The following SV2C variants were observed in gnomAD, a reference collection of about 807,000 sequenced individuals.
The protein encoded by SV2C is synaptic vesicle glycoprotein 2C.
Under a neutral mutation model 79.7 loss-of-function variants are expected in SV2C, and 49 were observed. That is an observed-to-expected ratio of 0.61 (90% CI 0.49 to 0.78). The LOEUF (loss-of-function observed/expected upper bound fraction) is 0.78. SV2C is among the 30% of genes least tolerant of loss of function. The probability of loss-of-function intolerance (pLI) is 0.00; values close to 1 mark genes in which losing one functional copy is unlikely to be tolerated. For synonymous variants in SV2C, 334 were observed against 333.2 expected (o/e 1.00, Z -0.03); for missense variants, 833 against 912.9 (o/e 0.91, Z 1.13).
chr5:75,959,772 C>A, the SV2C span, among the ~76,000 whole-genome samples: 1 of 151,846 alleles, frequency 6.6e-6, no homozygotes, highest in Non-Finnish European at 1.5e-5. Context: ...TCTGTCAGTC[C>A]AAAGGTAGAA....
chr5:76,338,286 C>T, downstream of SV2C, among the ~76,000 whole-genome samples: 1 of 152,250 alleles, frequency 6.6e-6, no homozygotes, highest in East Asian at 1.9e-4. Context: ...ATATTTCTGC[C>T]TCCTCTACTC....
Position 76,083,393 on chromosome 5 carries a change from G to C in SV2C, c.-221G>C, listed in dbSNP as rs1747057071. 6.6e-6 allele frequency: 1 copy of C among 152,390 alleles called. No individual in the cohort carries two copies. Among genetic ancestry groups the C allele is most frequent in the African/African-American group, 2.4e-5 (1 of 41,466 alleles). The allele number at this position is 152,390 out of a possible 1,614,324, so 9.4% of individuals were successfully genotyped here. On this transcript the variant is annotated 5_prime_UTR_variant, in exon 1 of 13. Coordinates refer to ENST00000502798, the MANE Select transcript of SV2C (RefSeq NM_014979.4). ...ACGCTCAGAGGAGTCACCACTCCGC[G>C]CGCTGCAGGCGAGAGTGGCAGACGG...
At chr5:76,067,503 A>T in the SV2C span, among the ~76,000 whole-genome samples, 3 of 151,994 alleles carry the variant, frequency 2.0e-5, no homozygotes, top group African/African-American at 7.2e-5. Context: ...AGGTTTGACA[A>T]ATATAAACTT....
the SV2C span, among the ~76,000 whole-genome samples, chr5:75,949,538 G>C: frequency 5.3e-5 from 8 of 152,018 alleles, no homozygotes; most frequent in Admixed American, 5.2e-4. Flanking sequence ...CATGTTGTGG[G>C]AGGGACGTGG....
chr5:76,168,396 G>A (rs1438405180), intron 2 of SV2C, among the ~76,000 whole-genome samples: 1 of 151,634 alleles, frequency 6.6e-6, no homozygotes, highest in African/African-American at 2.4e-5. Flanking sequence ...ACTCACCCTG[G>A]ACCCCTCCTT....
the SV2C span, among the ~76,000 whole-genome samples, chr5:76,059,314 TGC>T: frequency 6.6e-6 from 1 of 152,068 alleles, no homozygotes; most frequent in Admixed American, 6.6e-5. Context: ...CTCTGTAGCA[TGC>T]GAGGATGTTT....
At chr5:76,203,016 G>C (rs914423179) in intron 3 of SV2C, among the ~76,000 whole-genome samples, 4 of 152,108 alleles carry the variant, frequency 2.6e-5, no homozygotes, top group Non-Finnish European at 5.9e-5. Flanking sequence ...TTTTCTATTG[G>C]AAAGCACTGT....
chr5:75,879,684 C>T, the SV2C span, among the ~76,000 whole-genome samples: 2 of 152,224 alleles, frequency 1.3e-5, no homozygotes, highest in Non-Finnish European at 2.9e-5. Flanking sequence ...AGGATGCAAG[C>T]TGCCAGTGGA....
At chr5:75,874,490 T>C in the SV2C span, among the ~76,000 whole-genome samples, 9 of 152,138 alleles carry the variant, frequency 5.9e-5, no homozygotes, top group African/African-American at 1.9e-4. Flanking sequence ...CCTTGAAGAA[T>C]GGCACAAGGC....
chr5:76,090,262 C>T (rs575312491), intron 1 of SV2C, among the ~76,000 whole-genome samples: 3 of 152,348 alleles, frequency 2.0e-5, no homozygotes, highest in African/African-American at 7.2e-5. Flanking sequence ...GCTATCACCT[C>T]TTGAAATTCT....
At chr5:76,276,741 C>CTT (rs5868818) in intron 4 of SV2C, among the ~76,000 whole-genome samples, 53 of 139,634 alleles carry the variant, frequency 3.8e-4, no homozygotes, top group African/African-American at 8.1e-4. Context: ...TCTTTCTTTT[C>CTT]TTTTTTTTTT....
At chr5:76,022,917 T>A in the SV2C span, among the ~76,000 whole-genome samples, 1 of 152,216 alleles carries the variant, frequency 6.6e-6, no homozygotes, top group African/African-American at 2.4e-5. Context: ...ATAATGTCTG[T>A]ATAGGATATG....
At chr5:76,183,195 T>C (rs1743807163) in intron 2 of SV2C, among the ~76,000 whole-genome samples, 1 of 151,742 alleles carries the variant, frequency 6.6e-6, no homozygotes, top group Non-Finnish European at 1.5e-5. Context: ...GGCTAATTTT[T>C]TGTATTTTTC....
At chr5:75,889,451 T>C in the SV2C span, among the ~76,000 whole-genome samples, 1 of 152,124 alleles carries the variant, frequency 6.6e-6, no homozygotes, top group African/African-American at 2.4e-5. Flanking sequence ...TATGGCTGCA[T>C]AGTATTCCAT....
At chr5:75,963,672 T>C in the SV2C span, among the ~76,000 whole-genome samples, 6 of 152,110 alleles carry the variant, frequency 3.9e-5, no homozygotes, top group Non-Finnish European at 5.9e-5. Context: ...CAGTACTTGA[T>C]TGGTCCTTTC....
exon 13 of SV2C, chr5:76,353,310 A>G (rs941128534): frequency 6.9e-5 from 17 of 245,000 alleles, no homozygotes; most frequent in Non-Finnish European, 1.1e-4. Flanking sequence ...AGGTCTTGCT[A>G]AGAACTTAGT....
At chr5:76,196,776 A>G (rs935427216) in intron 3 of SV2C, among the ~76,000 whole-genome samples, 2 of 152,238 alleles carry the variant, frequency 1.3e-5, no homozygotes, top group African/African-American at 4.8e-5. Flanking sequence ...ATATCCAAAG[A>G]CCCAAAAGTA....
the SV2C span, among the ~76,000 whole-genome samples, chr5:76,033,762 T>C: frequency 6.6e-6 from 1 of 152,158 alleles, no homozygotes; most frequent in Non-Finnish European, 1.5e-5. Flanking sequence ...AACTTTCAAG[T>C]AGTTTTTTCC....
the SV2C span, among the ~76,000 whole-genome samples, chr5:75,981,431 C>T: frequency 2.4e-4 from 37 of 152,218 alleles, no homozygotes; most frequent in East Asian, 6.8e-3. Context: ...GCAAAAAGAA[C>T]AAAGTTGGAG....
Sources: allele counts gnomAD v4.1 joint callset (sites outside exome capture counted in the v4.1 genomes callset), GRCh38; gene constraint gnomAD v4.1.1; transcripts MANE v1.5; gene names NCBI Gene and HGNC (gene_info 2026-07-23, HGNC 2026-07-21).